NEFH: variants seen among roughly 807,000 people sequenced by gnomAD.
NEFH encodes neurofilament heavy polypeptide.
Under a neutral mutation model 56.6 loss-of-function variants are expected in NEFH, and 58 were observed. That is an observed-to-expected ratio of 1.03 (90% CI 0.83 to 1.28). The LOEUF (loss-of-function observed/expected upper bound fraction) is 1.28, where lower values mean the gene tolerates loss of function less well. Among genes scored for constraint, NEFH ranks in the 50% most tolerant of loss-of-function variants. The probability of loss-of-function intolerance (pLI) is 0.00; values close to 1 mark genes in which losing one functional copy is unlikely to be tolerated. For missense variants in NEFH, 1,221 were observed against 1,307.6 expected (o/e 0.93, Z 1.02); for synonymous variants, 542 against 545.8 (o/e 0.99, Z 0.10).
intron 1 of NEFH, among the ~76,000 whole-genome samples, chr22:29,481,930 ATTTCTT>A (rs999231339): frequency 6.6e-6 from 1 of 152,046 alleles, no homozygotes; most frequent in Non-Finnish European, 1.5e-5. Flanking sequence ...TCTGGTTTTC[ATTTCTT>A]TTTGAGTTGA....
In NEFH at chr22:29,490,154, C is replaced by T. The variant is rs2063072192; in HGVS notation, c.2514C>T (p.Pro838=). ...EKPQEVKVKE[P]PKKAEEEKAP... ...CCCAGGAGGTGAAAGTCAAAGAGCC[C>T]CCAAAGAAGGCAGAGGAAGAGAAAG... The change falls in exon 4 of 4, where the codon CCC becomes CCT. Residue 838 remains proline, a synonymous_variant. Coordinates refer to ENST00000310624, the MANE Select transcript of NEFH (RefSeq NM_021076.4). 6.2e-7 allele frequency: 1 copy of T among 1,613,408 alleles called. No individual in the cohort carries two copies.
chr22:29,483,251 C>A lies in NEFH; in HGVS notation c.884-124C>A, dbSNP rs975687637. ...CTGAGAGTGCACCACTGCCCTCCAG[C>A]CTGGGCGAGAGCGAGAATCCGTCTC... is the stretch of plus-strand genomic sequence containing the variant. On this transcript the variant is annotated intron_variant, in intron 1 of 3. Coordinates refer to ENST00000310624, the MANE Select transcript of NEFH (RefSeq NM_021076.4). The A allele has an allele frequency of 4.4e-6, 4 of 917,582 alleles. No individual in the cohort carries two copies. In the African/African-American group the frequency reaches 5.0e-5, roughly 11 times the overall value. 56.8% of individuals were successfully genotyped at this position (917,582 alleles called of 1,614,324 possible).
In NEFH at chr22:29,488,835, G is replaced by A. The variant is rs2063058602; in HGVS notation, c.1209-14G>A. 6.2e-7 allele frequency: 1 copy of A among 1,613,994 alleles called. No individual in the cohort carries two copies. Among genetic ancestry groups the A allele is most frequent in the South Asian group, 1.1e-5 (1 of 91,038 alleles). ...CTGAGTTTATACTAATGTGTTCCGT[G>A]ATCCATCCTGCAGAAAACTCCTGGA... On this transcript the variant is annotated splice_polypyrimidine_tract_variant and intron_variant, in intron 3 of 3. Coordinates refer to ENST00000310624, the MANE Select transcript of NEFH (RefSeq NM_021076.4).
intron 3 of NEFH, among the ~76,000 whole-genome samples, chr22:29,487,229 G>A (rs1240740800): frequency 6.6e-6 from 1 of 152,144 alleles, no homozygotes; most frequent in Non-Finnish European, 1.5e-5. Flanking sequence ...TCCCAGTTCT[G>A]ACTGGTGACC....
intron 3 of NEFH, among the ~76,000 whole-genome samples, chr22:29,488,248 C>T (rs989525149): frequency 3.3e-5 from 5 of 152,094 alleles, no homozygotes; most frequent in African/African-American, 9.7e-5. Flanking sequence ...CCTGTACTCC[C>T]AGCTACTCAG....
In NEFH at chr22:29,489,836, C is replaced by T. The variant is rs760295571; in HGVS notation, c.2196C>T (p.Thr732=). 1 of 1,582,922 alleles carries T rather than the reference C, an allele frequency of 6.3e-7. No homozygotes were observed. Among genetic ancestry groups the T allele is most frequent in the Non-Finnish European group, 8.6e-7 (1 of 1,163,126 alleles). Reference sequence around the variant, plus strand: ...CCCCAGTGAAGGAAGAAGCAAAGACCCCCGAGAAGGCCAAGTCCCCAGTGA... The same window carrying T: ...CCCCAGTGAAGGAAGAAGCAAAGACTCCCGAGAAGGCCAAGTCCCCAGTGA... The part of the protein sequence containing the change: ...AKSPVKEEAK[T]PEKAKSPVKE... The change falls in exon 4 of 4, where the codon ACC becomes ACT. Residue 732 remains threonine (T), a synonymous_variant. Coordinates refer to ENST00000310624, the MANE Select transcript of NEFH (RefSeq NM_021076.4).
Position 29,483,477 on chromosome 22 carries a change from C to T in NEFH, c.986C>T (p.Thr329Ile), listed in dbSNP as rs1319487603. Reference sequence around the variant, plus strand: ...TACCGGCGTCAGCTGCAGGCCAGGACCACAGAGCTGGAGGCACTGAAAAGC... The same window carrying T: ...TACCGGCGTCAGCTGCAGGCCAGGATCACAGAGCTGGAGGCACTGAAAAGC... ...TEYRRQLQAR[T>I]TELEALKSTK... is the part of the protein sequence containing the mutation. The change falls in exon 2 of 4, where the codon ACC (threonine) becomes ATC (isoleucine). Residue 329 changes from threonine (T) to isoleucine (I), a missense_variant. Thr to Ile is a moderately conservative substitution (Grantham distance 89, BLOSUM62 -1). Transcript: ENST00000310624. The T allele has an allele frequency of 6.2e-6, 10 of 1,613,916 alleles. No individual in the cohort carries two copies. The highest frequency in any genetic ancestry group is 8.5e-6 in the Non-Finnish European group (10 of 1,180,044).
intron 3 of NEFH, among the ~76,000 whole-genome samples, chr22:29,487,536 G>T (rs950766752): frequency 6.6e-6 from 1 of 152,046 alleles, no homozygotes; most frequent in Non-Finnish European, 1.5e-5. Flanking sequence ...GGAGGCTGAC[G>T]TGGGAGGATC....
At chr22:29,485,949 AG>A in intron 3 of NEFH, 102 bp downstream of exon 3, 1 of 1,293,456 alleles carries the variant, frequency 7.7e-7, no homozygotes, top group Non-Finnish European at 1.1e-6. Flanking sequence ...TACCTGTCTT[AG>A]GGACAAAATT....
chr22:29,481,207 C>T (rs2063007286), intron 1 of NEFH, 62 bp downstream of exon 1: 2 of 1,490,362 alleles, frequency 1.3e-6, no homozygotes, highest in Non-Finnish European at 9.0e-7. Context: ...AACTTTTGGG[C>T]TGCGTGACCC....
At chr22:29,487,042 C>G (rs545465556) in intron 3 of NEFH, among the ~76,000 whole-genome samples, 2 of 152,308 alleles carry the variant, frequency 1.3e-5, no homozygotes, top group South Asian at 4.1e-4. Context: ...GCAACCATGT[C>G]ATAGGGTTGT....
chr22:29,481,378 G>A lies in NEFH; in HGVS notation c.883+233G>A, dbSNP rs56083406. ...CCCCCTTTCCAGGTTCTTTACGGCT[G>A]TACTTCAACTCTGGGCCCCCTGCTG... On this transcript the variant is annotated intron_variant, in intron 1 of 3. Transcript: ENST00000310624. Among the ~76,000 whole-genome samples the A allele has an allele frequency of 0.065, 9,939 of 152,188 alleles. 452 individuals carry two copies. Among genetic ancestry groups the A allele is most frequent in the Non-Finnish European group, 0.1 (6,824 of 67,984 alleles).
chr22:29,483,314 CTG>C, intron 1 of NEFH, 59 bp from the exon 2 acceptor site: 1 of 1,335,842 alleles, frequency 7.5e-7, no homozygotes, highest in Non-Finnish European at 1.1e-6. Flanking sequence ...AGAAAAAAAT[CTG>C]GGCATTAGAA....
At position 29,490,329 on chromosome 22, in the gene NEFH, G is replaced by T; in HGVS notation, c.2689G>T (p.Ala897Ser). 2 of 1,613,126 alleles carry T rather than the reference G, an allele frequency of 1.2e-6. No homozygotes were observed. Among genetic ancestry groups the T allele is most frequent in the Non-Finnish European group, 1.7e-6 (2 of 1,179,650 alleles). The change falls in exon 4 of 4, where the codon GCT (alanine) becomes TCT (serine). Residue 897 changes from alanine to serine, a missense_variant. Around this residue, in one of 4 missense-constraint regions of NEFH, gnomAD observed 301 missense variants for 346.6 expected, o/e 0.87. Coordinates refer to ENST00000310624, the MANE Select transcript of NEFH (RefSeq NM_021076.4). ...CAAAGTTGAAGCCAAGAAGGAAGAGGCTGAAGATAAGAAAAAAGTCCCCAC... is the reference window on the plus strand; with the variant it reads ...CAAAGTTGAAGCCAAGAAGGAAGAGTCTGAAGATAAGAAAAAAGTCCCCAC... The part of the protein sequence containing the change: ...ESKVEAKKEE[A>S]EDKKKVPTPE...
intron 1 of NEFH, among the ~76,000 whole-genome samples, chr22:29,481,388 T>G (rs2063008625): frequency 6.6e-6 from 1 of 152,118 alleles, no homozygotes; most frequent in Admixed American, 6.5e-5. Flanking sequence ...GTACTTCAAC[T>G]CTGGGCCCCC....
At position 29,480,322 on chromosome 22, in the gene NEFH, C is replaced by T. The variant is rs766858671; in HGVS notation, c.60C>T (p.Gly20=). The change falls in exon 1 of 4, where the codon GGC becomes GGT. Residue 20 remains glycine (G), a synonymous_variant. Coordinates refer to ENST00000310624, the MANE Select transcript of NEFH (RefSeq NM_021076.4). ...LLGAPFAPLH[G]GGSLHYALAR... is the part of the protein sequence containing the mutation. ...GCGCCCCGTTCGCGCCGCTGCATGG[C>T]GGCGGCAGCCTCCACTACGCGCTAG... is the stretch of plus-strand genomic sequence containing the variant. 6 of 1,506,830 alleles carry T rather than the reference C, an allele frequency of 4.0e-6. No individual in the cohort carries two copies. The African/African-American group carries it at 4.3e-5, about 11-fold the overall frequency. The allele number at this position is 1,506,830 out of a possible 1,614,324, so 93.3% of individuals were successfully genotyped here. A position where few individuals can be genotyped will look rare whatever the true frequency, so the allele number is the denominator to read the frequency against.
chr22:29,480,550 T>C lies in NEFH; in HGVS notation c.288T>C (p.Ser96=). 2.6e-6 allele frequency: 4 copies of C among 1,539,944 alleles called. No individual in the cohort carries two copies. Among genetic ancestry groups the C allele is most frequent in the Non-Finnish European group, 3.5e-6 (4 of 1,149,744 alleles). ...TGGTGGCGGTGGCCACCTCACGCAG[T>C]GAGAAGGAGCAGCTGCAGGCGCTGA... The part of the protein sequence containing the change: ...GCMVAVATSR[S]EKEQLQALND... The change falls in exon 1 of 4, where the codon AGT becomes AGC. Residue 96 remains serine, a synonymous_variant. Coordinates refer to ENST00000310624, the MANE Select transcript of NEFH (RefSeq NM_021076.4).
Position 29,489,949 on chromosome 22 carries a change from C to T in NEFH, c.2309C>T (p.Ala770Val), listed in dbSNP as rs751409317. Reference sequence around the variant, plus strand: ...AAGTCTCCAGAAGCCAAGACTCCAGCGAAGGAGGAAGCAAGGTCCCCTGCA... The same window carrying T: ...AAGTCTCCAGAAGCCAAGACTCCAGTGAAGGAGGAAGCAAGGTCCCCTGCA... ...DVKSPEAKTPAKEEARSPADK... is the reference protein window; with the variant it reads ...DVKSPEAKTPVKEEARSPADK... Residue 770 changes from alanine (A) to valine (V), a missense_variant, in exon 4 of 4, where the codon GCG becomes GTG. This residue lies in a region of NEFH where 301 missense variants were observed against 346.6 expected (regional missense o/e 0.87). Transcript: ENST00000310624. 7.4e-6 allele frequency: 12 copies of T among 1,613,094 alleles called. No individual in the cohort carries two copies. Among genetic ancestry groups the T allele is most frequent in the African/African-American group, 4.0e-5 (3 of 74,566 alleles).
Position 29,488,496 on chromosome 22 carries a change from T to C in NEFH, c.1209-353T>C, listed in dbSNP as rs6006163. On this transcript the variant is annotated intron_variant, in intron 3 of 3. Coordinates refer to ENST00000310624, the MANE Select transcript of NEFH (RefSeq NM_021076.4). ...ACTTTTGTTAAATTTATTTAGGAGC[T>C]TTCTCTTGAGGGCCATTTTTTATGG... Among the ~76,000 whole-genome samples the C allele has an allele frequency of 8.6e-3, 1,314 of 152,332 alleles. 23 individuals are homozygous for C. The highest frequency in any genetic ancestry group is 0.03 in the African/African-American group (1,236 of 41,572).
Sources: allele counts gnomAD v4.1 joint callset (sites outside exome capture counted in the v4.1 genomes callset), GRCh38; gene constraint gnomAD v4.1.1; regional missense constraint gnomAD v4.1.1; transcripts MANE v1.5; gene names NCBI Gene and HGNC (gene_info 2026-07-23, HGNC 2026-07-21).